The following FMR1 variants were observed in gnomAD, a reference collection of about 807,000 sequenced individuals.
FMR1 encodes FMRP translational regulator 1.
A neutral mutation model predicts 50.6 loss-of-function variants in FMR1; 13 were observed. The observed-to-expected ratio is 0.26, with a 90% CI of 0.17 to 0.41. FMR1 has a LOEUF of 0.41. FMR1 is among the 10% of genes least tolerant of loss of function. The pLI is 1.00. For missense variants in FMR1, 316 were observed against 491.3 expected (o/e 0.64, Z 3.37); for synonymous variants, 138 against 164.1 (o/e 0.84, Z 1.22).
chrX:147,932,708 T>C lies in FMR1; in HGVS notation c.825T>C (p.Ala275=). The C allele has an allele frequency of 8.3e-7, 1 of 1,209,180 alleles. No individual in the cohort carries two copies. The highest frequency in any genetic ancestry group is 1.1e-6 in the Non-Finnish European group (1 of 893,636). ...AGGATCAGGATGCAGTGAAAAAAGC[T>C]AGAAGCTTTCTCGAATTTGCTGAAG... The part of the protein sequence containing the change: ...YGEDQDAVKK[A]RSFLEFAEDV... Residue 275 remains alanine (A), a synonymous_variant, in exon 9 of 17, where the codon GCT becomes GCC. Coordinates refer to ENST00000370475, the MANE Select transcript of FMR1 (RefSeq NM_002024.6).
intron 2 of FMR1, among the ~76,000 whole-genome samples, chrX:147,924,768 CCT>C (rs1436382103): frequency 9.2e-6 from 1 of 108,925 alleles, no homozygotes; most frequent in African/African-American, 3.4e-5. Flanking sequence ...AGTGCTCCCA[CCT>C]CAGCCTCCCA....
chrX:147,912,339 G>C, intron 1 of FMR1, 109 bp downstream of exon 1: 1 of 751,365 alleles, frequency 1.3e-6, no homozygotes. Context: ...CCGCGCCTGG[G>C]TGCCAGGGCA....
intron 3 of FMR1, 111 bp from the exon 4 acceptor site, chrX:147,928,211 T>C: frequency 1.5e-6 from 1 of 667,817 alleles, no homozygotes; most frequent in Non-Finnish European, 2.4e-6. Flanking sequence ...TGACATGTGG[T>C]TTTTAAAGAC....
chrX:147,913,176 T>C (rs1036617139), intron 1 of FMR1: 2 of 114,352 alleles, frequency 1.7e-5, no homozygotes, highest in Non-Finnish European at 3.6e-5. Context: ...TCCTTTGAAT[T>C]TGTGGTGTTG....
At chrX:147,941,967 C>T (rs2044022878) in intron 13 of FMR1, among the ~76,000 whole-genome samples, 1 of 112,824 alleles carries the variant, frequency 8.9e-6, no homozygotes, top group African/African-American at 3.2e-5. Context: ...GACTACTCTT[C>T]TGTTTTGCAA....
intron 9 of FMR1, chrX:147,933,368 A>G: frequency 1.4e-6 from 1 of 731,513 alleles, no homozygotes; most frequent in Non-Finnish European, 1.9e-6. Context: ...TTATGGGACT[A>G]TAAAATGATA....
intron 1 of FMR1, among the ~76,000 whole-genome samples, chrX:147,916,890 A>G (rs2042897871): frequency 9.0e-6 from 1 of 111,399 alleles, no homozygotes; most frequent in East Asian, 2.8e-4. Flanking sequence ...GGCATGTGCC[A>G]CCATTCCTGG....
At chrX:147,913,254 C>T (rs902061243) in intron 1 of FMR1, 1 of 112,032 alleles carries the variant, frequency 8.9e-6, no homozygotes, top group African/African-American at 3.3e-5. Flanking sequence ...AAAGTTACAC[C>T]ATTGCAGATC....
intron 16 of FMR1, 173 bp from the exon 17 acceptor site, chrX:147,948,510 A>T: frequency 5.5e-6 from 6 of 1,092,429 alleles, no homozygotes; most frequent in Non-Finnish European, 7.2e-6. Context: ...TTAAAATCAT[A>T]AACCAAATAA....
intron 2 of FMR1, among the ~76,000 whole-genome samples, chrX:147,922,604 T>G (rs956626079): frequency 7.2e-5 from 8 of 111,721 alleles, no homozygotes; most frequent in African/African-American, 2.6e-4. Context: ...GACTAAATGT[T>G]TTGAATGCTA....
intron 3 of FMR1, among the ~76,000 whole-genome samples, chrX:147,926,706 T>A (rs1462828820): frequency 9.0e-6 from 1 of 110,844 alleles, no homozygotes; most frequent in African/African-American, 3.3e-5. Context: ...CAGGCTAGTC[T>A]CGAACTCCTG....
At chrX:147,927,134 A>G (rs921334785) in intron 3 of FMR1, among the ~76,000 whole-genome samples, 1 of 112,169 alleles carries the variant, frequency 8.9e-6, no homozygotes, top group African/African-American at 3.2e-5. Context: ...GGGAACAGAA[A>G]CACTGTGTAT....
rs782362046 is a variant in FMR1, at chrX:147,945,488, A to G, written c.1655-46A>G. 8 of 1,031,567 alleles carry G rather than the reference A, an allele frequency of 7.8e-6. No homozygotes were observed. The East Asian group carries it at 2.1e-4, about 27-fold the overall frequency. 85.0% of individuals were successfully genotyped at this position (1,031,567 alleles called of 1,213,427 possible). On this transcript the variant is annotated intron_variant, in intron 15 of 16. Transcript: ENST00000370475. ...TGGGAATAAAGAACTTCCAGTAAGC[A>G]TTTCAGAATCAGTAACTGTTGAACC...
At chrX:147,937,366 A>G (rs1253299861) in intron 10 of FMR1, 100 bp from the exon 11 acceptor site, 1 of 564,092 alleles carries the variant, frequency 1.8e-6, no homozygotes, top group Non-Finnish European at 3.1e-6. Flanking sequence ...ATAATAACTT[A>G]CATTTTTTAA....
At position 147,912,099 on chromosome X, in the gene FMR1, C is replaced by T. The variant is rs1172179116; in HGVS notation, c.-81C>T. The T allele has an allele frequency of 1.5e-6, 1 of 645,957 alleles. No homozygotes were observed. Among genetic ancestry groups the T allele is most frequent in the Non-Finnish European group, 1.9e-6 (1 of 523,905 alleles). 53.2% of individuals were successfully genotyped at this position (645,957 alleles called of 1,213,427 possible). A position where few individuals can be genotyped will look rare whatever the true frequency, so the allele number is the denominator to read the frequency against. On this transcript the variant is annotated 5_prime_UTR_variant, in exon 1 of 17. Coordinates refer to ENST00000370475, the MANE Select transcript of FMR1 (RefSeq NM_002024.6). ...GCGGCGGAGGCGGCGGCGGCGGCGG[C>T]GGCGGCGGCGGCTGGGCCTCGAGCG...
Position 147,943,294 on chromosome X carries a change from G to C in FMR1, c.1439G>C (p.Gly480Ala). 8.3e-7 allele frequency: 1 copy of C among 1,210,226 alleles called. No homozygotes were observed. Among genetic ancestry groups the C allele is most frequent in the Non-Finnish European group, 1.1e-6 (1 of 894,532 alleles). Residue 480 changes from glycine (G) to alanine (A), a missense_variant, in exon 14 of 17, where the codon GGG becomes GCG. By Grantham distance (60) the Gly-to-Ala change is moderately conservative. This residue lies in a region of FMR1 where 124 missense variants were observed against 160.8 expected (regional missense o/e 0.77). Coordinates refer to ENST00000370475, the MANE Select transcript of FMR1 (RefSeq NM_002024.6). Reference sequence around the variant, plus strand: ...GGTAGTAGACCTTACAGAAATAGGGGGCACGGCAGACGCGGTCCTGGATAT... The same window carrying C: ...GGTAGTAGACCTTACAGAAATAGGGCGCACGGCAGACGCGGTCCTGGATAT... The part of the protein sequence containing the change: ...GRGSRPYRNR[G>A]HGRRGPGYTS...
Position 147,948,873 on chromosome X carries a change from A to G in FMR1, c.*29A>G. On this transcript the variant is annotated 3_prime_UTR_variant, in exon 17 of 17. Transcript: ENST00000370475. ...GCATAATTCTGAAGTTATATTTCCT[A>G]TACCATTTCCGTAATTCTTATTCCA... is the stretch of plus-strand genomic sequence containing the variant. The G allele has an allele frequency of 1.2e-5, 14 of 1,190,852 alleles. No individual in the cohort carries two copies. Among genetic ancestry groups the G allele is most frequent in the Non-Finnish European group, 1.6e-5 (14 of 876,455 alleles).
intron 2 of FMR1, among the ~76,000 whole-genome samples, chrX:147,924,588 T>C (rs1474312337): frequency 5.7e-5 from 6 of 105,582 alleles, no homozygotes; most frequent in Admixed American, 3.1e-4. Flanking sequence ...CATGGCTCAC[T>C]GTAACCTTGA....
chrX:147,914,159 G>A (rs936677491), intron 1 of FMR1: 5 of 112,201 alleles, frequency 4.5e-5, no homozygotes, highest in African/African-American at 1.6e-4. Flanking sequence ...TAACTTGAAG[G>A]TGAATGAAGA....
Sources: allele counts gnomAD v4.1 joint callset (sites outside exome capture counted in the v4.1 genomes callset), GRCh38; gene constraint gnomAD v4.1.1; regional missense constraint gnomAD v4.1.1; transcripts MANE v1.5; gene names NCBI Gene and HGNC (gene_info 2026-07-23, HGNC 2026-07-21).